Variants in FAM20C observed in about 807,000 individuals in gnomAD.
The protein encoded by FAM20C is extracellular serine/threonine protein kinase FAM20C.
FAM20C carries 40 observed loss-of-function variants against 51.5 expected under a neutral mutation model. The ratio of observed to expected loss-of-function variants is 0.78; its 90% CI spans 0.60 to 1.01. The LOEUF is 1.01. Among genes scored for constraint, FAM20C ranks in the 50% least tolerant of loss-of-function variants. FAM20C has a pLI of 0.00. For synonymous variants in FAM20C, 406 were observed against 380.6 expected (o/e 1.07, Z -0.78); for missense variants, 861 against 844.7 (o/e 1.02, Z -0.24).
Position 248,299 on chromosome 7 carries a change from G to A in FAM20C, c.957-16G>A, listed in dbSNP as rs374190041. 27 of 1,528,246 alleles carry A rather than the reference G, an allele frequency of 1.8e-5. No individual in the cohort carries two copies. Among genetic ancestry groups the A allele is most frequent in the East Asian group, 4.9e-5 (2 of 40,814 alleles). The allele number at this position is 1,528,246 out of a possible 1,614,324, so 94.7% of individuals were successfully genotyped here. Reference sequence around the variant, plus strand: ...CCGCACAGAGCACAGACCATTCCCCGCCCGTTTCTTGCCAGGATCCTGGAC... The same window carrying A: ...CCGCACAGAGCACAGACCATTCCCCACCCGTTTCTTGCCAGGATCCTGGAC... On this transcript the variant is annotated splice_polypyrimidine_tract_variant and intron_variant, in intron 4 of 9. Coordinates refer to ENST00000313766, the MANE Select transcript of FAM20C (RefSeq NM_020223.4).
At chr7:226,250 G>A (rs1467856647) in intron 3 of FAM20C, among the ~76,000 whole-genome samples, 2 of 152,172 alleles carry the variant, frequency 1.3e-5, no homozygotes, top group Non-Finnish European at 2.9e-5. Flanking sequence ...ACAGAGGACG[G>A]ATTCCCTTCC....
At chr7:245,952 G>A (rs1468603028) in intron 3 of FAM20C, 1 of 153,934 alleles carries the variant, frequency 6.5e-6, no homozygotes, top group Non-Finnish European at 1.4e-5. Context: ...GAAACCAGAG[G>A]GTGGGCGGTG....
intron 2 of FAM20C, among the ~76,000 whole-genome samples, chr7:208,357 G>T (rs1169149460): frequency 3.0e-5 from 4 of 135,380 alleles, no homozygotes; most frequent in African/African-American, 1.4e-4. Flanking sequence ...TGTACTGTAG[G>T]GTGTGGTGTG....
At chr7:214,552 G>A (rs1330143818) in intron 3 of FAM20C, among the ~76,000 whole-genome samples, 1 of 152,226 alleles carries the variant, frequency 6.6e-6, no homozygotes, top group Admixed American at 6.5e-5. Flanking sequence ...GCGGCTTTAG[G>A]AAACACCACG....
At chr7:256,325 G>T in intron 6 of FAM20C, 3 of 574,784 alleles carry the variant, frequency 5.2e-6, no homozygotes, top group Non-Finnish European at 9.2e-6. Flanking sequence ...CCTCACTCCT[G>T]CGGGAGAAAC....
chr7:252,238 G>A (rs919372527), intron 5 of FAM20C, among the ~76,000 whole-genome samples: 42 of 149,128 alleles, frequency 2.8e-4, no homozygotes, highest in Admixed American at 1.2e-3. Flanking sequence ...AGGTCATCTC[G>A]GAGGCCCTGC....
At chr7:211,068 T>C (rs1770024999) in intron 3 of FAM20C, among the ~76,000 whole-genome samples, 1 of 151,810 alleles carries the variant, frequency 6.6e-6, no homozygotes, top group African/African-American at 2.4e-5. Context: ...CAGGATCCAG[T>C]GTCCCCTTAA....
At chr7:254,129 G>A (rs970182933) in intron 5 of FAM20C, among the ~76,000 whole-genome samples, 12 of 152,234 alleles carry the variant, frequency 7.9e-5, no homozygotes, top group South Asian at 2.1e-4. Context: ...GGGACCTGCC[G>A]GGTGCGTGGG....
At chr7:200,565 G>A (rs1291178524) in intron 2 of FAM20C, among the ~76,000 whole-genome samples, 1 of 152,242 alleles carries the variant, frequency 6.6e-6, no homozygotes. Flanking sequence ...CTGCAGGAGT[G>A]TGCCCCGATG....
intron 6 of FAM20C, 51 bp downstream of exon 6, chr7:256,080 G>A: frequency 6.6e-7 from 1 of 1,520,890 alleles, no homozygotes; most frequent in Non-Finnish European, 8.8e-7. Flanking sequence ...GGCAGAGGGA[G>A]CTGGGCCTGG....
chr7:243,934 T>G (rs868182213), intron 3 of FAM20C, among the ~76,000 whole-genome samples: 47 of 125,680 alleles, frequency 3.7e-4, no homozygotes, highest in African/African-American at 1.3e-3. Context: ...ATAATAATAA[T>G]AATAATAATA....
intron 2 of FAM20C, among the ~76,000 whole-genome samples, chr7:205,244 A>G (rs28689689): frequency 0.33 from 29,715 of 91,112 alleles, 5,418 homozygotes; most frequent in East Asian, 0.46. Context: ...CTGGGACCAC[A>G]GACACGCACC....
Position 225,912 on chromosome 7 carries a change from G to C in FAM20C, c.863+16936G>C, listed in dbSNP as rs377712065. Among the ~76,000 whole-genome samples, 13 of 56,982 alleles carry C rather than the reference G, an allele frequency of 2.3e-4. 2 individuals are homozygous for C. Among genetic ancestry groups the C allele is most frequent in the South Asian group, 7.8e-4 (1 of 1,282 alleles). The allele number at this position is 56,982 out of a possible 152,430, so 37.4% of individuals were successfully genotyped here. On this transcript the variant is annotated intron_variant, in intron 3 of 9. Transcript: ENST00000313766. ...TTCTCTCACTGAGCAGAATGGCACC[G>C]TCACGGGGTCGCACGGCGGCTGTCC...
intron 3 of FAM20C, among the ~76,000 whole-genome samples, chr7:241,772 C>A (rs1180280918): frequency 6.6e-6 from 1 of 151,504 alleles, no homozygotes; most frequent in East Asian, 1.9e-4. Context: ...GGTGTGTGTG[C>A]ATGAGCGAGT....
chr7:227,267 G>A (rs1418666634), intron 3 of FAM20C, among the ~76,000 whole-genome samples: 2 of 151,910 alleles, frequency 1.3e-5, no homozygotes, highest in East Asian at 1.9e-4. Context: ...TTAAAAGGAC[G>A]GGAAAGAAAA....
At chr7:213,849 G>A (rs552702255) in intron 3 of FAM20C, among the ~76,000 whole-genome samples, 46 of 152,224 alleles carry the variant, frequency 3.0e-4, no homozygotes, top group African/African-American at 8.9e-4. Context: ...TTTTGATGAC[G>A]GCCGTCCCGG....
intron 2 of FAM20C, among the ~76,000 whole-genome samples, chr7:195,959 G>A (rs533582869): frequency 3.9e-5 from 6 of 152,352 alleles, no homozygotes; most frequent in East Asian, 1.9e-4. Context: ...GCGGGGAGAC[G>A]CCTGGACAGC....
rs531017309 is a variant in FAM20C at position 257,075 on chromosome 7, C to A, written c.1434C>A (p.Asp478Glu). 6.5e-7 allele frequency: 1 copy of A among 1,537,020 alleles called. No individual in the cohort carries two copies. Among genetic ancestry groups the A allele is most frequent in the Non-Finnish European group, 8.7e-7 (1 of 1,146,866 alleles). The change falls in exon 8 of 10, where the codon GAC (aspartate) becomes GAA (glutamate). Residue 478 changes from aspartate to glutamate, a missense_variant. Physicochemically the swap from Asp to Glu is conservative, Grantham distance 45. Around this residue, in one of 3 missense-constraint regions of FAM20C, gnomAD observed 269 missense variants for 283.8 expected, o/e 0.95. Transcript: ENST00000313766. ...FGNETFIIHL[D>E]NGRGFGKYSH... ...ATGAAACGTTCATCATCCACTTAGA[C>A]AATGGAAGAGGGTGAGCCTGTCCTC...
rs1785686224 is a variant in FAM20C, at chr7:193,510, C to T, written c.311C>T (p.Ser104Phe). Residue 104 changes from serine to phenylalanine, a missense_variant, in exon 1 of 10, where the codon TCC (serine) becomes TTC (phenylalanine). By Grantham distance (155) the Ser-to-Phe change is radical (BLOSUM62 -2). Coordinates refer to ENST00000313766, the MANE Select transcript of FAM20C (RefSeq NM_020223.4). ...TCCGACCCCTCCTCCAACCTCTCGT[C>T]CCACTCGCTGGAGAAACTGCCGCCC... ...FSSDPSSNLS[S>F]HSLEKLPPAA... The T allele has an allele frequency of 2.0e-6, 3 of 1,503,390 alleles. No homozygotes were observed. The highest frequency in any genetic ancestry group is 1.8e-6 in the Non-Finnish European group (2 of 1,123,192). The allele number at this position is 1,503,390 out of a possible 1,614,324, so 93.1% of individuals were successfully genotyped here. A position where few individuals can be genotyped will look rare whatever the true frequency, so the allele number is the denominator to read the frequency against.
Sources: allele counts gnomAD v4.1 joint callset (sites outside exome capture counted in the v4.1 genomes callset), GRCh38; gene constraint gnomAD v4.1.1; regional missense constraint gnomAD v4.1.1; transcripts MANE v1.5; gene names NCBI Gene and HGNC (gene_info 2026-07-23, HGNC 2026-07-21).